Variants in ARSD observed in about 807,000 individuals in gnomAD.
The protein encoded by ARSD is arylsulfatase D, also known as testis tissue sperm-binding protein Li 39a.
ARSD carries 21 observed loss-of-function variants against 32.6 expected under a neutral mutation model. The observed-to-expected ratio is 0.64, with a 90% CI of 0.46 to 0.93. The LOEUF (loss-of-function observed/expected upper bound fraction) is 0.93, where lower values mean the gene tolerates loss of function less well. Ranked by LOEUF, ARSD falls within the 40% of genes least tolerant of loss-of-function variation. The probability of loss-of-function intolerance (pLI) is 0.00; values close to 1 mark genes in which losing one functional copy is unlikely to be tolerated. For missense variants in ARSD, 454 were observed against 520.9 expected (o/e 0.87, Z 1.25); for synonymous variants, 224 against 237.4 (o/e 0.94, Z 0.52).
chrX:2,920,837 A>G (rs2089022092), intron 3 of ARSD, 114 bp from the exon 4 acceptor site: 2 of 916,533 alleles, frequency 2.2e-6, no homozygotes, highest in Admixed American at 3.0e-5. Flanking sequence ...CCAGGCTGCT[A>G]TTATCTATCA....
intron 3 of ARSD, among the ~76,000 whole-genome samples, chrX:2,921,073 T>A (rs541015199): frequency 1.9e-4 from 21 of 111,166 alleles, no homozygotes; most frequent in African/African-American, 5.9e-4. Context: ...AGACCCTACA[T>A]ACAGTGCACA....
chrX:2,920,538 G>T (rs1415579893), intron 4 of ARSD, 63 bp downstream of exon 4: 2 of 1,204,629 alleles, frequency 1.7e-6, no homozygotes, highest in Non-Finnish European at 2.2e-6. Context: ...GCCTGGCCTG[G>T]GATCTTTTTT....
Position 2,925,892 on chromosome X carries a change from G to T in ARSD, c.45-127C>A, listed in dbSNP as rs2089078644. The T allele has an allele frequency of 8.6e-6, 6 of 697,114 alleles. No individual in the cohort carries two copies. The East Asian group carries it at 1.1e-4, about 13-fold the overall frequency. 57.5% of individuals were successfully genotyped at this position (697,114 alleles called of 1,213,427 possible). On this transcript the variant is annotated intron_variant, in intron 1 of 9. Coordinates refer to ENST00000381154, the MANE Select transcript of ARSD (RefSeq NM_001669.4). ...ATTAAGACGTTCAGCTTTATGGGAGGTTATTGTCTTGGCCTGAATTCCTGC... is the reference window on the plus strand; with the variant it reads ...ATTAAGACGTTCAGCTTTATGGGAGTTTATTGTCTTGGCCTGAATTCCTGC...
At chrX:2,927,251 A>T (rs372433122) in intron 1 of ARSD, among the ~76,000 whole-genome samples, 7,648 of 92,275 alleles carry the variant, frequency 0.083, 652 homozygotes, top group African/African-American at 0.28. Flanking sequence ...TTTTTTTTTT[A>T]ATTTTAATTT....
chrX:2,910,855 C>T (rs771085665), intron 6 of ARSD, 62 bp from the exon 7 acceptor site: 368 of 1,139,618 alleles, frequency 3.2e-4, no homozygotes, highest in African/African-American at 2.0e-3. Context: ...TAGTTCAATG[C>T]GCTTCTTCCT....
At position 2,905,813 on chromosome X, in the gene ARSD, A is replaced by C. The variant is rs748218379; in HGVS notation, c.*1458T>G. 2 of 112,898 alleles carry C rather than the reference A, an allele frequency of 1.8e-5. No individual in the cohort carries two copies. The highest frequency in any genetic ancestry group is 6.4e-5 in the African/African-American group (2 of 31,096). The allele number at this position is 112,898 out of a possible 1,213,427, so 9.3% of individuals were successfully genotyped here. A position where few individuals can be genotyped will look rare whatever the true frequency, so the allele number is the denominator to read the frequency against. ...TACAGGGCAGCCAGGTGCCCACCTAAAAGACTGCACTTCTCAACTTCCAGT... is the reference window on the plus strand; with the variant it reads ...TACAGGGCAGCCAGGTGCCCACCTACAAGACTGCACTTCTCAACTTCCAGT... On this transcript the variant is annotated 3_prime_UTR_variant, in exon 10 of 10. Coordinates refer to ENST00000381154, the MANE Select transcript of ARSD (RefSeq NM_001669.4).
At chrX:2,924,788 G>C (rs957923870) in intron 2 of ARSD, among the ~76,000 whole-genome samples, 4 of 112,054 alleles carry the variant, frequency 3.6e-5, no homozygotes, top group African/African-American at 1.3e-4. Flanking sequence ...CAGAGGAGGA[G>C]ACACAGACAC....
rs1263631108 is a variant in ARSD at position 2,929,133 on chromosome X, C to A, written c.44+99G>T. 5 of 828,490 alleles carry A rather than the reference C, an allele frequency of 6.0e-6. No homozygotes were observed. In the African/African-American group the frequency reaches 1.1e-4, roughly 18 times the overall value. 68.3% of individuals were successfully genotyped at this position (828,490 alleles called of 1,213,427 possible). ...GACACAACCACGCCCTTTACAGGGG[C>A]CCAGGCTCGCCCGGGGCGCCCCTCG... On this transcript the variant is annotated intron_variant, in intron 1 of 9. Transcript: ENST00000381154.
intron 4 of ARSD, among the ~76,000 whole-genome samples, chrX:2,919,740 G>A (rs1044372651): frequency 9.0e-6 from 1 of 111,657 alleles, no homozygotes; most frequent in Admixed American, 9.5e-5. Context: ...GTGCCTGCAG[G>A]ACCAGCCCCC....
At chrX:2,914,969 G>C (rs1055117792) in intron 6 of ARSD, among the ~76,000 whole-genome samples, 3 of 111,157 alleles carry the variant, frequency 2.7e-5, no homozygotes, top group Non-Finnish European at 5.7e-5. Flanking sequence ...TGACTTCCCA[G>C]GCTCAAGCGA....
At position 2,907,618 on chromosome X, in the gene ARSD, TC is replaced by T; in HGVS notation, c.1434del (p.Trp478Ter). The T allele has an allele frequency of 9.1e-7, 1 of 1,102,269 alleles. No homozygotes were observed. The highest frequency in any genetic ancestry group is 1.2e-6 in the Non-Finnish European group (1 of 841,809). The allele number at this position is 1,102,269 out of a possible 1,213,427, so 90.8% of individuals were successfully genotyped here. A position where few individuals can be genotyped will look rare whatever the true frequency, so the allele number is the denominator to read the frequency against. On this transcript the variant is annotated frameshift_variant, in exon 10 of 10. Coordinates refer to ENST00000381154, the MANE Select transcript of ARSD (RefSeq NM_001669.4). LOFTEE classifies it low-confidence loss of function (END_TRUNC). ...RWHQKDSGSV[W>X]KVHYTTPQFH... is the part of the protein sequence containing the mutation. ...AACTGCGGGGTCGTGTAATGAACCT[TC>T]CAGACGCTTCCACCTGGATGCAGAC... is the stretch of plus-strand genomic sequence containing the variant.
rs2088844465 is a variant in ARSD, at chrX:2,905,285, T to C, written c.*1986A>G. ...GGTATTGAACACTGCCTTTCTTAGATGTCATTTAGGCTCTCGTTTCAATTC... is the reference window on the plus strand; with the variant it reads ...GGTATTGAACACTGCCTTTCTTAGACGTCATTTAGGCTCTCGTTTCAATTC... On this transcript the variant is annotated 3_prime_UTR_variant, in exon 10 of 10. Transcript: ENST00000381154. 8.7e-6 allele frequency: 2 copies of C among 229,668 alleles called. No individual in the cohort carries two copies. Among genetic ancestry groups the C allele is most frequent in the South Asian group, 9.3e-5 (2 of 21,446 alleles). The allele number at this position is 229,668 out of a possible 1,213,427, so 18.9% of individuals were successfully genotyped here.
Position 2,910,550 on chromosome X carries a change from A to G in ARSD, c.1135+109T>C, listed in dbSNP as rs1419023382. 3.6e-6 allele frequency: 4 copies of G among 1,101,119 alleles called. No individual in the cohort carries two copies. The African/African-American group carries it at 5.5e-5, about 15-fold the overall frequency. The allele number at this position is 1,101,119 out of a possible 1,213,427, so 90.7% of individuals were successfully genotyped here. On this transcript the variant is annotated intron_variant, in intron 7 of 9. Transcript: ENST00000381154. ...TTGTACTACAGTAGGTGCTCAATGC[A>G]TTCTTTTTGAAATGAGCAAACTCAT...
Position 2,917,906 on chromosome X carries a change from C to T in ARSD, c.761G>A (p.Trp254Ter). 8.3e-7 allele frequency: 1 copy of T among 1,211,981 alleles called. No individual in the cohort carries two copies. Among genetic ancestry groups the T allele is most frequent in the Admixed American group, 2.2e-5 (1 of 46,111 alleles). ...WYSSFGFVRR[W>*]NCILMRNHDV... ...ATGGTTTCTCATCAGGATACAGTTC[C>T]AGCGTCGCACAAACCCGAAGGAGGA... The change falls in exon 5 of 10, where the codon TGG (tryptophan) becomes TAG (stop). Residue 254 changes from tryptophan (W) to a stop codon, truncating the protein, a stop_gained. Transcript: ENST00000381154. LOFTEE classifies it high-confidence loss of function.
At chrX:2,914,426 G>T (rs1224080229) in intron 6 of ARSD, 100 of 506,327 alleles carry the variant, frequency 2.0e-4, no homozygotes, top group Non-Finnish European at 2.4e-4. Flanking sequence ...GATGGGGGGG[G>T]GGGGCGTCTC....
rs776777408 is a variant in ARSD at position 2,922,213 on chromosome X, A to ATC, written c.195-191_195-190dup. ...TGGTGTTGATGTTGAGATGGATGAC[A>ATC]TCTCTCTCTCTCTCTCTCTCTCTCA... On this transcript the variant is annotated intron_variant, in intron 2 of 9. Transcript: ENST00000381154. Among the ~76,000 whole-genome samples the ATC allele has an allele frequency of 6.1e-3, 642 of 105,769 alleles. 1 individual carries two copies. Among genetic ancestry groups the ATC allele is most frequent in the Non-Finnish European group, 7.4e-3 (380 of 51,117 alleles). The allele number at this position is 105,769 out of a possible 115,157, so 91.8% of individuals were successfully genotyped here.
Position 2,904,900 on chromosome X carries a change from TTTC to T in ARSD, c.*2368_*2370del. The T allele has an allele frequency of 7.6e-6, 2 of 264,111 alleles. No homozygotes were observed. Among genetic ancestry groups the T allele is most frequent in the Non-Finnish European group, 1.4e-5 (2 of 143,111 alleles). 21.8% of individuals were successfully genotyped at this position (264,111 alleles called of 1,213,427 possible). ...CCCCGTGTCCCATGCTCCATAGATG[TTTC>T]TTTTTTTTTTTTTTTTTAATCATTT... On this transcript the variant is annotated 3_prime_UTR_variant, in exon 10 of 10. Coordinates refer to ENST00000381154, the MANE Select transcript of ARSD (RefSeq NM_001669.4).
intron 9 of ARSD, chrX:2,908,053 T>C (rs1185749191): frequency 1.9e-5 from 10 of 515,333 alleles, no homozygotes; most frequent in Non-Finnish European, 2.1e-5. Context: ...GCTACCTATT[T>C]ATCTATTTAT....
intron 2 of ARSD, among the ~76,000 whole-genome samples, chrX:2,923,880 C>G (rs892460860): frequency 8.9e-6 from 1 of 112,104 alleles, no homozygotes; most frequent in Non-Finnish European, 1.9e-5. Context: ...TGCAAATGCT[C>G]TAACATGGTT....
Sources: gnomAD v4.1 joint callset for allele counts (sites outside exome capture counted in the v4.1 genomes callset) on GRCh38, gnomAD v4.1.1 for gene constraint, MANE v1.5 for transcripts, NCBI Gene and HGNC (gene_info 2026-07-23, HGNC 2026-07-21) for gene names.